SH3RF2: variants seen among roughly 807,000 people sequenced by gnomAD.
SH3RF2 encodes the protein SH3 domain containing ring finger 2.
Under a neutral mutation model 59.0 loss-of-function variants are expected in SH3RF2, and 43 were observed. The observed-to-expected ratio is 0.73, with a 90% CI of 0.57 to 0.94. The LOEUF is 0.94. SH3RF2 is among the 40% of genes least tolerant of loss of function. SH3RF2 has a pLI of 0.00. For synonymous variants in SH3RF2, 391 were observed against 391.5 expected (o/e 1.00, Z 0.01); for missense variants, 930 against 940.1 (o/e 0.99, Z 0.14).
At chr5:145,971,035 A>C (rs925902166) in intron 2 of SH3RF2, among the ~76,000 whole-genome samples, 2 of 152,174 alleles carry the variant, frequency 1.3e-5, no homozygotes, top group African/African-American at 2.4e-5. Context: ...CAAATCTAAG[A>C]AGTCTCTAGT....
intron 2 of SH3RF2, among the ~76,000 whole-genome samples, chr5:145,944,651 G>A (rs1757944325): frequency 6.6e-6 from 1 of 152,116 alleles, no homozygotes. Flanking sequence ...TTTTCCCTTT[G>A]CTGCAGGACT....
intron 2 of SH3RF2, among the ~76,000 whole-genome samples, chr5:145,963,100 T>C (rs540111946): frequency 4.4e-4 from 67 of 152,088 alleles, no homozygotes; most frequent in African/African-American, 1.6e-3. Context: ...AGTTTCACCA[T>C]GTTCGCCTGG....
At chr5:145,953,479 G>A (rs548716654) in intron 2 of SH3RF2, among the ~76,000 whole-genome samples, 1 of 152,126 alleles carries the variant, frequency 6.6e-6, no homozygotes, top group African/African-American at 2.4e-5. Context: ...AGATGCAGAG[G>A]GACAAAGAAA....
At position 146,056,126 on chromosome 5, in the gene SH3RF2, G is replaced by C. The variant is rs763795543; in HGVS notation, c.1468G>C (p.Ala490Pro). The C allele has an allele frequency of 1.7e-5, 28 of 1,614,042 alleles. No homozygotes were observed. The highest frequency in any genetic ancestry group is 2.4e-5 in the Non-Finnish European group (28 of 1,180,050). ...CTTCAAATCCGTCTTTGTGCCCACTGCCATAGTCAACCCCGTGAGAAGCAC... is the reference window on the plus strand; with the variant it reads ...CTTCAAATCCGTCTTTGTGCCCACTCCCATAGTCAACCCCGTGAGAAGCAC... ...RPFKSVFVPT[A>P]IVNPVRSTAG... Residue 490 changes from alanine to proline, a missense_variant, in exon 8 of 10, where the codon GCC (alanine) becomes CCC (proline). Transcript: ENST00000359120.
chr5:146,023,642 T>C (rs1761415575), intron 5 of SH3RF2, among the ~76,000 whole-genome samples: 1 of 152,226 alleles, frequency 6.6e-6, no homozygotes. Context: ...AAGTGTACAA[T>C]TCAATGGCTT....
intron 2 of SH3RF2, among the ~76,000 whole-genome samples, chr5:145,951,329 C>A (rs932909833): frequency 6.6e-6 from 1 of 152,194 alleles, no homozygotes; most frequent in Non-Finnish European, 1.5e-5. Context: ...GCTCTGCCTC[C>A]CTCATGCAAG....
intron 5 of SH3RF2, among the ~76,000 whole-genome samples, chr5:146,037,020 T>C (rs960865286): frequency 6.6e-6 from 1 of 152,208 alleles, no homozygotes; most frequent in African/African-American, 2.4e-5. Context: ...AGAATGAATC[T>C]TTCCTTCTTA....
At chr5:145,997,822 A>G in intron 2 of SH3RF2, 1 of 1,454,218 alleles carries the variant, frequency 6.9e-7, no homozygotes, top group Non-Finnish European at 9.7e-7. Context: ...TCCCCCGCCG[A>G]AATAGAAGTA....
At chr5:145,971,847 G>T (rs1214007601) in intron 2 of SH3RF2, among the ~76,000 whole-genome samples, 1 of 151,798 alleles carries the variant, frequency 6.6e-6, no homozygotes, top group African/African-American at 2.4e-5. Flanking sequence ...ATGAGGCTTG[G>T]AATAGCCAAG....
intron 3 of SH3RF2, among the ~76,000 whole-genome samples, chr5:146,001,608 G>A (rs1188127497): frequency 1.3e-5 from 2 of 152,176 alleles, no homozygotes; most frequent in East Asian, 1.9e-4. Context: ...TAGACACACA[G>A]CTGGAGGAAG....
At chr5:146,039,426 G>C (rs1580901209) in intron 5 of SH3RF2, among the ~76,000 whole-genome samples, 1 of 151,912 alleles carries the variant, frequency 6.6e-6, no homozygotes, top group East Asian at 1.9e-4. Flanking sequence ...CCCCATGGAA[G>C]AGCGGGATAC....
intron 5 of SH3RF2, among the ~76,000 whole-genome samples, chr5:146,036,274 A>G (rs1761933509): frequency 6.6e-6 from 1 of 152,142 alleles, no homozygotes; most frequent in South Asian, 2.1e-4. Context: ...AGCAGGGGAG[A>G]CCAGACGCAG....
At chr5:146,019,181 T>C (rs1270034520) in intron 5 of SH3RF2, among the ~76,000 whole-genome samples, 1 of 152,178 alleles carries the variant, frequency 6.6e-6, no homozygotes, top group Admixed American at 6.5e-5. Flanking sequence ...ATAAATTCTT[T>C]GCCTAGGCCC....
rs57377156 is a variant in SH3RF2, at chr5:146,022,874, A to AACACACAC, written c.1059+8855_1059+8862dup. Among the ~76,000 whole-genome samples the AACACACAC allele has an allele frequency of 4.9e-3, 692 of 142,018 alleles. 10 individuals carry two copies. Among genetic ancestry groups the AACACACAC allele is most frequent in the African/African-American group, 0.018 (656 of 36,908 alleles). The allele number at this position is 142,018 out of a possible 152,430, so 93.2% of individuals were successfully genotyped here. ...GTGACACAGAGCAAGGCTCCATCTA[A>AACACACAC]ACACACACACACACACACACACACA... On this transcript the variant is annotated intron_variant, in intron 5 of 9. Coordinates refer to ENST00000359120, the MANE Select transcript of SH3RF2 (RefSeq NM_152550.4).
intron 9 of SH3RF2, among the ~76,000 whole-genome samples, chr5:146,077,941 G>A (rs1763367730): frequency 6.6e-6 from 1 of 152,104 alleles, no homozygotes; most frequent in African/African-American, 2.4e-5. Flanking sequence ...TAGGAGTAGG[G>A]GGCTTGGCAG....
chr5:146,014,684 C>T (rs748673170), intron 5 of SH3RF2, among the ~76,000 whole-genome samples: 7 of 152,132 alleles, frequency 4.6e-5, no homozygotes, highest in African/African-American at 7.2e-5. Flanking sequence ...AGGCACAAAC[C>T]GGTGAAGCCA....
At chr5:146,001,995 A>G (rs985568788) in intron 3 of SH3RF2, among the ~76,000 whole-genome samples, 2 of 152,316 alleles carry the variant, frequency 1.3e-5, no homozygotes, top group South Asian at 4.1e-4. Context: ...AATTTATTCA[A>G]CGTCATGTAT....
intron 2 of SH3RF2, among the ~76,000 whole-genome samples, chr5:145,990,715 A>T: frequency 6.6e-6 from 1 of 152,230 alleles, no homozygotes; most frequent in Non-Finnish European, 1.5e-5. Context: ...AAAAGCATAG[A>T]GTCTTGAGCT....
Position 146,059,931 on chromosome 5 carries a change from A to G in SH3RF2, c.1621A>G (p.Ser541Gly). ...PTLVVGSLRR[S>G]PTMVLRPQQF... is the part of the protein sequence containing the mutation. ...TCTCGTGGTAGGCTCCCTCAGACGCAGCCCCACCATGGTCCTTCGGCCTCA... is the reference window on the plus strand; with the variant it reads ...TCTCGTGGTAGGCTCCCTCAGACGCGGCCCCACCATGGTCCTTCGGCCTCA... The change falls in exon 9 of 10, where the codon AGC becomes GGC. Residue 541 changes from serine (S) to glycine (G), a missense_variant. Ser to Gly is a moderately conservative substitution (Grantham distance 56). Coordinates refer to ENST00000359120, the MANE Select transcript of SH3RF2 (RefSeq NM_152550.4). 6.6e-7 allele frequency: 1 copy of G among 1,514,282 alleles called. No individual in the cohort carries two copies. The highest frequency in any genetic ancestry group is 2.4e-5 in the East Asian group (1 of 42,538). The allele number at this position is 1,514,282 out of a possible 1,614,324, so 93.8% of individuals were successfully genotyped here. A position where few individuals can be genotyped will look rare whatever the true frequency, so the allele number is the denominator to read the frequency against.
Sources: allele counts gnomAD v4.1 joint callset (sites outside exome capture counted in the v4.1 genomes callset), GRCh38; gene constraint gnomAD v4.1.1; transcripts MANE v1.5; gene names NCBI Gene and HGNC (gene_info 2026-07-23, HGNC 2026-07-21).